The following VRTN variants were observed in gnomAD, a reference collection of about 807,000 sequenced individuals.
VRTN encodes the protein vertebrae development associated.
Under a neutral mutation model 18.2 loss-of-function variants are expected in VRTN, and 5 were observed. That is an observed-to-expected ratio of 0.27 (90% CI 0.14 to 0.58). VRTN has a LOEUF of 0.58. VRTN is among the 20% of genes least tolerant of loss of function. VRTN has a pLI of 0.91. For synonymous variants in VRTN, 381 were observed against 393.7 expected, an observed-to-expected ratio of 0.97 and a Z score of 0.38; for missense variants, 741 against 939.4, an observed-to-expected ratio of 0.79 and a Z score of 2.76.
Position 74,357,264 on chromosome 14 carries a change from G to C in VRTN, c.481G>C (p.Val161Leu), listed in dbSNP as rs201868876. 2 of 1,613,740 alleles carry C rather than the reference G, an allele frequency of 1.2e-6. No individual in the cohort carries two copies. Among genetic ancestry groups the C allele is most frequent in the Non-Finnish European group, 1.7e-6 (2 of 1,179,798 alleles). ...GCTGGAGGCCATCTTCGATGCCGAC[G>C]TCAAGGCCTCCTGTTTCCCCAGCAG... ...ATLEAIFDAD[V>L]KASCFPSSFS... Residue 161 changes from valine to leucine, a missense_variant, in exon 2 of 2, where the codon GTC becomes CTC. Physicochemically the swap from Val to Leu is conservative, Grantham distance 32. Coordinates refer to ENST00000256362, the MANE Select transcript of VRTN (RefSeq NM_018228.3). This position sits in a 1 kb window ranked among gnomAD's most constrained non-coding sequence, Gnocchi z 7.8.
chr14:74,303,075 A>G, exon 1 of VRTN: 1 of 685,780 alleles, frequency 1.5e-6, no homozygotes, highest in South Asian at 3.1e-5. Context: ...CTCTAAAAGT[A>G]CCAGAGAGTG....
At chr14:74,331,544 TTATATATATATA>T (rs1169929236) in intron 1 of VRTN, among the ~76,000 whole-genome samples, 742 of 43,446 alleles carry the variant, frequency 0.017, 18 homozygotes, top group South Asian at 0.062. Flanking sequence ...AAAAAAAATT[TTATATATATATA>T]TATATATATA....
intron 2 of VRTN, among the ~76,000 whole-genome samples, chr14:74,342,549 T>C (rs1051037097): frequency 6.6e-6 from 1 of 152,096 alleles, no homozygotes; most frequent in Non-Finnish European, 1.5e-5. Flanking sequence ...ATATACACAC[T>C]GTACAAAGCT....
intron 1 of VRTN, among the ~76,000 whole-genome samples, chr14:74,336,437 C>T (rs191212455): frequency 6.6e-6 from 1 of 151,670 alleles, no homozygotes; most frequent in Non-Finnish European, 1.5e-5. Flanking sequence ...CCACAAACCT[C>T]TTCTCCAGGG....
upstream of VRTN, among the ~76,000 whole-genome samples, chr14:74,346,539 G>A (rs948619170): frequency 3.9e-5 from 6 of 152,070 alleles, no homozygotes; most frequent in South Asian, 2.1e-4. Context: ...CCAGCCTTCC[G>A]AGTAGCTGGG....
In VRTN at chr14:74,323,394, G is replaced by T. The variant is rs534025606; in HGVS notation, c.-163-14329G>T. ...AGGTCAGGAGTTTGAGACCAGCCTG[G>T]CCAACATGGTGAAACCCCATCTCTA... is the stretch of plus-strand genomic sequence containing the variant. On this transcript the variant is annotated intron_variant, in intron 1 of 2. Coordinates refer to the VRTN transcript ENST00000557177. Among the ~76,000 whole-genome samples the T allele has an allele frequency of 2.6e-5, 4 of 152,138 alleles. No individual in the cohort carries two copies. In the South Asian group the frequency reaches 8.3e-4, roughly 32 times the overall value.
intron 1 of VRTN, among the ~76,000 whole-genome samples, chr14:74,351,872 T>A: frequency 6.6e-6 from 1 of 151,862 alleles, no homozygotes; most frequent in East Asian, 1.9e-4. Context: ...TGAGACGGAG[T>A]CTCGCTCTGT....
intron 1 of VRTN, among the ~76,000 whole-genome samples, chr14:74,333,781 G>A (rs575829240): frequency 1.8e-4 from 27 of 147,312 alleles, no homozygotes; most frequent in Middle Eastern, 3.9e-3. Context: ...TGGAGGTTGC[G>A]GTGAGCCAAG....
chr14:74,342,076 C>T (rs542128669), intron 2 of VRTN, among the ~76,000 whole-genome samples: 14 of 152,128 alleles, frequency 9.2e-5, no homozygotes, highest in African/African-American at 3.1e-4. Flanking sequence ...AAGACAGATA[C>T]GTCAGTCCAG....
In VRTN at chr14:74,359,732, A is replaced by T. The variant is rs2140217059; in HGVS notation, c.*840A>T. ...GCCTGTCCCCTGCAAGGAGTGTGGGACCAGGTGGGGCAAGGCTGGGAGATG... is the reference window on the plus strand; with the variant it reads ...GCCTGTCCCCTGCAAGGAGTGTGGGTCCAGGTGGGGCAAGGCTGGGAGATG... On this transcript the variant is annotated 3_prime_UTR_variant, in exon 2 of 2. Coordinates refer to ENST00000256362, the MANE Select transcript of VRTN (RefSeq NM_018228.3). 6.0e-6 allele frequency: 1 copy of T among 167,330 alleles called. No homozygotes were observed. The highest frequency in any genetic ancestry group is 1.9e-4 in the East Asian group (1 of 5,168). 10.4% of individuals were successfully genotyped at this position (167,330 alleles called of 1,614,324 possible).
At chr14:74,306,840 A>C (rs893491975) in intron 1 of VRTN, among the ~76,000 whole-genome samples, 2 of 151,608 alleles carry the variant, frequency 1.3e-5, no homozygotes, top group African/African-American at 4.8e-5. Context: ...TCCTGAGCTC[A>C]AGCGATGCTT....
At chr14:74,329,275 C>CAA (rs57850959) in intron 1 of VRTN, among the ~76,000 whole-genome samples, 4,802 of 130,654 alleles carry the variant, frequency 0.037, 142 homozygotes, top group African/African-American at 0.078. Context: ...AACTCCATCT[C>CAA]AAAAAAAAAA....
rs888392225 is a variant in VRTN, at chr14:74,359,239, G to A, written c.*347G>A. 1.3e-5 allele frequency: 3 copies of A among 234,502 alleles called. No homozygotes were observed. Among genetic ancestry groups the A allele is most frequent in the Non-Finnish European group, 2.7e-5 (3 of 111,642 alleles). 14.5% of individuals were successfully genotyped at this position (234,502 alleles called of 1,614,324 possible). Reference sequence around the variant, plus strand: ...TGTATGTCAGGGGGTTTAGAGGGGGGTTGGTTAGCTAGAGCTGCTTTCAGC... The same window carrying A: ...TGTATGTCAGGGGGTTTAGAGGGGGATTGGTTAGCTAGAGCTGCTTTCAGC... On this transcript the variant is annotated 3_prime_UTR_variant, in exon 2 of 2. Coordinates refer to ENST00000256362, the MANE Select transcript of VRTN (RefSeq NM_018228.3).
At chr14:74,322,978 CA>C (rs1413003305) in intron 1 of VRTN, among the ~76,000 whole-genome samples, 3 of 151,268 alleles carry the variant, frequency 2.0e-5, no homozygotes, top group African/African-American at 7.3e-5. Flanking sequence ...TACAAAAATA[CA>C]AAAATTAGCC....
At chr14:74,319,388 G>C (rs1567039359) in intron 1 of VRTN, among the ~76,000 whole-genome samples, 1 of 152,200 alleles carries the variant, frequency 6.6e-6, no homozygotes, top group Non-Finnish European at 1.5e-5. Context: ...ATCAGATTTG[G>C]GTTTGGATGT....
chr14:74,305,215 C>A (rs1350118259), intron 1 of VRTN, among the ~76,000 whole-genome samples: 1 of 151,796 alleles, frequency 6.6e-6, no homozygotes, highest in East Asian at 1.9e-4. Context: ...GCATGTAATC[C>A]CAGCTACTTG....
At position 74,357,028 on chromosome 14, in the gene VRTN, A is replaced by G. The variant is rs2085733010; in HGVS notation, c.245A>G (p.Glu82Gly). 1 of 1,608,478 alleles carries G rather than the reference A, an allele frequency of 6.2e-7. No homozygotes were observed. The highest frequency in any genetic ancestry group is 1.7e-5 in the Admixed American group (1 of 59,758). ...ATGCTGCCGCTGGTGTGCAAGGGGGAGGGCAGCCTGCTGTTCGAGGCGGCC... is the reference window on the plus strand; with the variant it reads ...ATGCTGCCGCTGGTGTGCAAGGGGGGGGGCAGCCTGCTGTTCGAGGCGGCC... ...RNMLPLVCKG[E>G]GSLLFEAASM... The change falls in exon 2 of 2, where the codon GAG becomes GGG. Residue 82 changes from glutamate to glycine, a missense_variant. Coordinates refer to ENST00000256362, the MANE Select transcript of VRTN (RefSeq NM_018228.3). The surrounding 1 kb of genome is among the most constrained non-coding windows in gnomAD (Gnocchi z 7.8).
intron 2 of VRTN, among the ~76,000 whole-genome samples, chr14:74,340,483 T>C (rs1287005045): frequency 6.6e-6 from 1 of 151,860 alleles, no homozygotes; most frequent in Non-Finnish European, 1.5e-5. Context: ...TGAGAGGTGA[T>C]CCGCCTACCT....
chr14:74,330,705 T>C (rs1008620144), intron 1 of VRTN, among the ~76,000 whole-genome samples: 7 of 151,800 alleles, frequency 4.6e-5, no homozygotes, highest in Admixed American at 1.3e-4. Flanking sequence ...CCTCCCAAAG[T>C]GCTGGGATTA....
Sources: gnomAD v4.1 joint callset for allele counts (sites outside exome capture counted in the v4.1 genomes callset) on GRCh38, gnomAD v4.1.1 for gene constraint, Gnocchi (gnomAD v3.1) non-coding constraint, MANE v1.5 for transcripts, NCBI Gene and HGNC (gene_info 2026-07-23, HGNC 2026-07-21) for gene names.